Variants in RBFOX1 observed in about 807,000 individuals in gnomAD.
RBFOX1 encodes the protein RNA binding protein fox-1 homolog 1.
A neutral mutation model predicts 57.7 loss-of-function variants in RBFOX1; 8 were observed. The ratio of observed to expected loss-of-function variants is 0.14; its 90% confidence interval spans 0.08 to 0.25. The LOEUF is 0.25. Among genes scored for constraint, RBFOX1 ranks in the 10% least tolerant of loss-of-function variants. The pLI, the probability that RBFOX1 is intolerant of heterozygous loss-of-function variation, is 1.00. For missense variants in RBFOX1, 611 were observed against 548.5 expected (o/e 1.11, Z -1.14); for synonymous variants, 326 against 222.4 (o/e 1.47, Z -4.15).
At position 5,947,470 on chromosome 16, in the gene RBFOX1, C is replaced by G. The variant is rs531418720; in HGVS notation, c.351+80135C>G. Among the ~76,000 whole-genome samples the G allele has an allele frequency of 6.6e-6, 1 of 152,096 alleles. No homozygotes were observed. Among genetic ancestry groups the G allele is most frequent in the Non-Finnish European group, 1.5e-5 (1 of 68,026 alleles). On this transcript the variant is annotated intron_variant, in intron 4 of 19. Transcript: ENST00000641259. The surrounding 1 kb of genome is among the most constrained non-coding windows in gnomAD (Gnocchi z 7.2). ...ACAGCCTCGAAATCTTGTGCTCAAG[C>G]CATTTTCCTGCCTCTGCCAGTTTTT...
chr16:5,888,280 G>C (rs2057949805), intron 4 of RBFOX1, among the ~76,000 whole-genome samples: 1 of 152,054 alleles, frequency 6.6e-6, no homozygotes. Context: ...CTTTTCTCCA[G>C]TTGCCTCCCC....
At chr16:7,289,933 C>G (rs567005812) in intron 4 of RBFOX1, among the ~76,000 whole-genome samples, 1 of 152,106 alleles carries the variant, frequency 6.6e-6, no homozygotes, top group African/African-American at 2.4e-5. Context: ...TCATCCATTT[C>G]GTTATCAAGA....
rs985381829 is a variant in RBFOX1, at chr16:7,092,701, C to T, written c.27+40603C>T. ...GTCTATGGTACTGCGCCTTGGGGGA[C>T]GCACAGTTAAGTTAAAAGTATGTTA... On this transcript the variant is annotated intron_variant, in intron 4 of 15. Coordinates refer to ENST00000550418, the MANE Select transcript of RBFOX1 (RefSeq NM_018723.4). 6.6e-5 allele frequency among the ~76,000 whole-genome samples: 10 copies of T among 152,108 alleles called. No homozygotes were observed. In the East Asian group the frequency reaches 1.7e-3, roughly 26 times the overall value.
chr16:6,982,956 T>A (rs893087087), intron 3 of RBFOX1, among the ~76,000 whole-genome samples: 1 of 143,946 alleles, frequency 6.9e-6, no homozygotes, highest in African/African-American at 2.6e-5. Flanking sequence ...ATCATGCCAT[T>A]GTGCTCCAGC....
chr16:5,762,770 T>G (rs902840185), intron 3 of RBFOX1, among the ~76,000 whole-genome samples: 1 of 152,240 alleles, frequency 6.6e-6, no homozygotes, highest in East Asian at 1.9e-4. Context: ...GGTAAACACG[T>G]TTGGATAATT....
chr16:6,595,184 G>T (rs891513358), intron 2 of RBFOX1, among the ~76,000 whole-genome samples: 6 of 152,074 alleles, frequency 3.9e-5, no homozygotes, highest in African/African-American at 1.4e-4. Flanking sequence ...AGAAAGACAC[G>T]TTGTCCCCAT....
chr16:5,691,923 C>A (rs1443676930), intron 3 of RBFOX1, among the ~76,000 whole-genome samples: 1 of 152,182 alleles, frequency 6.6e-6, no homozygotes, highest in Non-Finnish European at 1.5e-5. Flanking sequence ...TGCCTTCCTC[C>A]ACTTTGTGGT....
chr16:7,289,974 G>T (rs973859913), intron 4 of RBFOX1, among the ~76,000 whole-genome samples: 3 of 152,088 alleles, frequency 2.0e-5, no homozygotes, highest in African/African-American at 4.8e-5. Flanking sequence ...AAACTCTGTG[G>T]CCCCAGAATA....
chr16:6,767,878 C>T (rs1021506079), intron 3 of RBFOX1, among the ~76,000 whole-genome samples: 3 of 150,104 alleles, frequency 2.0e-5, no homozygotes, highest in East Asian at 1.9e-4. Context: ...CGCGCCATTG[C>T]ACTCCAGCCT....
chr16:7,363,214 T>C (rs912745291), intron 4 of RBFOX1, among the ~76,000 whole-genome samples: 5 of 152,128 alleles, frequency 3.3e-5, no homozygotes, highest in Non-Finnish European at 7.4e-5. Flanking sequence ...CCATCCTGAG[T>C]TCCTGGGGTC....
chr16:7,001,460 G>A (rs1033439408), intron 3 of RBFOX1, among the ~76,000 whole-genome samples: 1 of 145,628 alleles, frequency 6.9e-6, no homozygotes, highest in Non-Finnish European at 1.5e-5. Context: ...ATATGTATAC[G>A]TGTATGTATA....
chr16:6,566,881 T>C (rs932063679), intron 2 of RBFOX1, among the ~76,000 whole-genome samples: 1 of 152,192 alleles, frequency 6.6e-6, no homozygotes, highest in Non-Finnish European at 1.5e-5. Flanking sequence ...CTTTGAAATA[T>C]TTTCCCCATA....
intron 2 of RBFOX1, among the ~76,000 whole-genome samples, chr16:5,503,401 C>T (rs928902494): frequency 5.3e-5 from 8 of 152,312 alleles, no homozygotes; most frequent in Non-Finnish European, 1.0e-4. Context: ...TATAATTCAT[C>T]AATTTCAAGT....
chr16:6,273,340 G>GTT (rs544640090), intron 1 of RBFOX1, among the ~76,000 whole-genome samples: 933 of 89,784 alleles, frequency 0.01, no homozygotes, highest in Middle Eastern at 0.017. Context: ...GTTGTTGTTG[G>GTT]TTTTTTTTTT....
chr16:5,474,211 C>T lies in RBFOX1; in HGVS notation c.258+6957C>T, dbSNP rs556515788. Among the ~76,000 whole-genome samples, 144 of 152,236 alleles carry T rather than the reference C, an allele frequency of 9.5e-4. 1 individual carries two copies. In the Middle Eastern group the frequency reaches 0.024, roughly 25 times the overall value. On this transcript the variant is annotated intron_variant, in intron 2 of 2. Coordinates refer to the RBFOX1 transcript ENST00000585867. Reference sequence around the variant, plus strand: ...CAACTACAGCATTAGCCAAGGTGCTCGTGAACTTCTAAGCATTAGGAACTT... The same window carrying T: ...CAACTACAGCATTAGCCAAGGTGCTTGTGAACTTCTAAGCATTAGGAACTT...
chr16:7,315,009 A>C (rs147419016), intron 4 of RBFOX1, among the ~76,000 whole-genome samples: 1 of 152,100 alleles, frequency 6.6e-6, no homozygotes, highest in Non-Finnish European at 1.5e-5. Context: ...TTTTTTCCTA[A>C]TTGGAAGAAA....
At chr16:5,490,314 A>T (rs1488481046) in intron 2 of RBFOX1, among the ~76,000 whole-genome samples, 4 of 152,194 alleles carry the variant, frequency 2.6e-5, no homozygotes, top group African/African-American at 4.8e-5. Flanking sequence ...CAACCCCACG[A>T]TGTGGGTGGT....
chr16:7,053,459 C>G (rs566330910), intron 4 of RBFOX1, among the ~76,000 whole-genome samples: 4 of 152,130 alleles, frequency 2.6e-5, no homozygotes, highest in African/African-American at 9.7e-5. Context: ...TTAGATTTCT[C>G]TTGCTGTTTG....
chr16:7,016,122 G>T (rs1486173077), intron 3 of RBFOX1, among the ~76,000 whole-genome samples: 1 of 152,100 alleles, frequency 6.6e-6, no homozygotes, highest in Non-Finnish European at 1.5e-5. Context: ...TCACTTCTGG[G>T]ACAAAGCATG....
Sources: gnomAD v4.1 joint callset for allele counts (sites outside exome capture counted in the v4.1 genomes callset) on GRCh38, gnomAD v4.1.1 for gene constraint, Gnocchi (gnomAD v3.1) non-coding constraint, MANE v1.5 for transcripts, NCBI Gene and HGNC (gene_info 2026-07-23, HGNC 2026-07-21) for gene names.